The following CNTNAP5 variants were observed in gnomAD, a reference collection of about 807,000 sequenced individuals.
CNTNAP5 encodes contactin associated protein family member 5, also known as contactin-associated protein-like 5.
Under a neutral mutation model 150.2 loss-of-function variants are expected in CNTNAP5, and 72 were observed. The ratio of observed to expected loss-of-function variants is 0.48; its 90% CI spans 0.40 to 0.58. CNTNAP5 has a LOEUF of 0.58. Among genes scored for constraint, CNTNAP5 ranks in the 20% least tolerant of loss-of-function variants. The pLI, the probability that CNTNAP5 is intolerant of heterozygous loss-of-function variation, is 0.00. For synonymous variants in CNTNAP5, 672 were observed against 619.8 expected, an observed-to-expected ratio of 1.08 and a Z score of -1.25; for missense variants, 1,636 against 1,626.2, an observed-to-expected ratio of 1.01 and a Z score of -0.10.
chr2:124,909,057 A>G (rs538490832), intron 22 of CNTNAP5, among the ~76,000 whole-genome samples: 1 of 152,260 alleles, frequency 6.6e-6, no homozygotes, highest in South Asian at 2.1e-4. Context: ...AAAAAAGTCA[A>G]TAAATGTAGT....
At chr2:124,328,562 C>T (rs1435122292) in intron 3 of CNTNAP5, among the ~76,000 whole-genome samples, 3 of 152,094 alleles carry the variant, frequency 2.0e-5, no homozygotes, top group Admixed American at 1.3e-4. Flanking sequence ...TGCTTATAAG[C>T]GTTGTCTTTT....
At chr2:124,557,366 C>T (rs146685586) in intron 10 of CNTNAP5, among the ~76,000 whole-genome samples, 1 of 152,198 alleles carries the variant, frequency 6.6e-6, no homozygotes, top group East Asian at 1.9e-4. Context: ...TTTGCCTGCC[C>T]TCTTTCCTAC....
intron 1 of CNTNAP5, among the ~76,000 whole-genome samples, chr2:124,135,739 G>C (rs762524956): frequency 6.6e-6 from 1 of 152,124 alleles, no homozygotes; most frequent in African/African-American, 2.4e-5. Context: ...AAAAATCTAG[G>C]TGTGAAGATC....
intron 3 of CNTNAP5, among the ~76,000 whole-genome samples, chr2:124,379,746 C>G (rs1178912349): frequency 6.6e-6 from 1 of 152,064 alleles, no homozygotes; most frequent in Non-Finnish European, 1.5e-5. Flanking sequence ...GTAACCAGCC[C>G]TGGGATTTTG....
chr2:124,547,228 G>T (rs537410836), intron 10 of CNTNAP5, among the ~76,000 whole-genome samples: 14 of 152,270 alleles, frequency 9.2e-5, no homozygotes, highest in Admixed American at 4.6e-4. Flanking sequence ...GATGAGTGAG[G>T]TGACATCAGC....
At chr2:124,528,978 A>T (rs1376363657) in intron 10 of CNTNAP5, among the ~76,000 whole-genome samples, 1 of 152,082 alleles carries the variant, frequency 6.6e-6, no homozygotes, top group Non-Finnish European at 1.5e-5. Flanking sequence ...CTTGGTGAAA[A>T]TTTACACACA....
intron 3 of CNTNAP5, among the ~76,000 whole-genome samples, chr2:124,371,103 C>T (rs995020568): frequency 6.6e-6 from 1 of 152,130 alleles, no homozygotes; most frequent in Non-Finnish European, 1.5e-5. Flanking sequence ...GAGGGTACCT[C>T]TCACATAAGT....
At chr2:124,399,582 T>G (rs1373376646) in intron 3 of CNTNAP5, among the ~76,000 whole-genome samples, 1 of 151,974 alleles carries the variant, frequency 6.6e-6, no homozygotes, top group Non-Finnish European at 1.5e-5. Flanking sequence ...CTAGATTTAT[T>G]TAGTCATCAT....
chr2:124,325,252 A>C (rs1226618847), intron 3 of CNTNAP5, among the ~76,000 whole-genome samples: 2 of 152,208 alleles, frequency 1.3e-5, no homozygotes, highest in Non-Finnish European at 2.9e-5. Flanking sequence ...CTAGATATCA[A>C]ACCTGCTGGT....
At chr2:124,620,728 T>C (rs1677593551) in intron 12 of CNTNAP5, among the ~76,000 whole-genome samples, 1 of 136,886 alleles carries the variant, frequency 7.3e-6, no homozygotes, top group African/African-American at 2.7e-5. Flanking sequence ...ATATATATGC[T>C]ACACACACAC....
intron 7 of CNTNAP5, among the ~76,000 whole-genome samples, chr2:124,493,575 C>T (rs964570188): frequency 2.0e-5 from 3 of 151,956 alleles, no homozygotes; most frequent in Non-Finnish European, 4.4e-5. Flanking sequence ...CTCCTGACCT[C>T]GTGATCCGCC....
intron 10 of CNTNAP5, among the ~76,000 whole-genome samples, chr2:124,555,653 C>G (rs1293150753): frequency 1.3e-5 from 2 of 152,126 alleles, no homozygotes; most frequent in Non-Finnish European, 2.9e-5. Context: ...CAGGCAGAGT[C>G]TGAAATTTTC....
chr2:124,746,861 G>A (rs753395219), intron 13 of CNTNAP5, among the ~76,000 whole-genome samples: 9 of 152,048 alleles, frequency 5.9e-5, no homozygotes, highest in East Asian at 3.9e-4. Flanking sequence ...TCAAGTTTAC[G>A]ACACTGCCTC....
At chr2:124,730,719 T>C (rs2105126664) in intron 13 of CNTNAP5, among the ~76,000 whole-genome samples, 1 of 152,278 alleles carries the variant, frequency 6.6e-6, no homozygotes, top group East Asian at 1.9e-4. Context: ...TTTCATATAT[T>C]TTATGATTGT....
intron 9 of CNTNAP5, among the ~76,000 whole-genome samples, chr2:124,525,221 A>G (rs1246605225): frequency 6.6e-6 from 1 of 152,236 alleles, no homozygotes; most frequent in Admixed American, 6.5e-5. Context: ...TGTTTGTATT[A>G]TAGAAACAGT....
At chr2:124,185,279 C>G (rs896453719) in intron 1 of CNTNAP5, among the ~76,000 whole-genome samples, 1 of 152,144 alleles carries the variant, frequency 6.6e-6, no homozygotes, top group Non-Finnish European at 1.5e-5. Flanking sequence ...TCTCTGAGAC[C>G]TTGTTTGGTT....
chr2:124,620,252 T>C (rs1406877470), intron 12 of CNTNAP5, among the ~76,000 whole-genome samples: 1 of 152,168 alleles, frequency 6.6e-6, no homozygotes, highest in African/African-American at 2.4e-5. Flanking sequence ...TTCCCGTTTT[T>C]TTCTTTCCTG....
At chr2:124,110,259 G>C (rs1187530448) in intron 1 of CNTNAP5, among the ~76,000 whole-genome samples, 6 of 152,142 alleles carry the variant, frequency 3.9e-5, no homozygotes, top group African/African-American at 1.4e-4. Flanking sequence ...TGAGCACCGG[G>C]ATTCAGATTT....
intron 3 of CNTNAP5, among the ~76,000 whole-genome samples, chr2:124,336,425 C>G (rs150841186): frequency 0.035 from 5,248 of 151,874 alleles, 153 homozygotes; most frequent in Non-Finnish European, 0.043. Flanking sequence ...GCATAACGTG[C>G]AGGTTTGTTA....
Sources: allele counts gnomAD v4.1 joint callset (sites outside exome capture counted in the v4.1 genomes callset), GRCh38; gene constraint gnomAD v4.1.1; transcripts MANE v1.5; gene names NCBI Gene and HGNC (gene_info 2026-07-23, HGNC 2026-07-21).